The following LAMA2 variants were observed in gnomAD, a reference collection of about 807,000 sequenced individuals.
LAMA2 encodes the protein laminin subunit alpha-2.
In LAMA2, 269 loss-of-function variants were observed where a neutral mutation model predicts 364.8. That is an observed-to-expected ratio of 0.74 (90% CI 0.67 to 0.82). LAMA2 has a LOEUF of 0.82. Among genes scored for constraint, LAMA2 ranks in the 40% least tolerant of loss-of-function variants. The pLI is 0.00. For missense variants in LAMA2, 3,807 were observed against 3,873.2 expected (o/e 0.98, Z 0.45); for synonymous variants, 1,379 against 1,370.6 (o/e 1.01, Z -0.14).
chr6:129,022,097 G>A (rs1785484707), intron 1 of LAMA2, among the ~76,000 whole-genome samples: 1 of 152,172 alleles, frequency 6.6e-6, no homozygotes, highest in Non-Finnish European at 1.5e-5. Flanking sequence ...ATTACTGAGT[G>A]GTGAAGACTA....
rs577929950 is a variant in LAMA2 at position 129,500,680 on chromosome 6, A to G, written c.8245-1979A>G. ...TTGTCCATCTAGAAAATCTCATAGT[A>G]TACAACGAAACAACAACAAAATAAA... On this transcript the variant is annotated intron_variant, in intron 58 of 64. Transcript: ENST00000421865. Among the ~76,000 whole-genome samples the G allele has an allele frequency of 5.9e-5, 9 of 152,320 alleles. No individual in the cohort carries two copies. In the East Asian group the frequency reaches 1.7e-3, roughly 29 times the overall value.
intron 8 of LAMA2, among the ~76,000 whole-genome samples, chr6:129,156,648 G>C (rs1363086449): frequency 6.6e-6 from 1 of 151,838 alleles, no homozygotes; most frequent in African/African-American, 2.4e-5. Context: ...TGCTTTCTCT[G>C]TAAGCATGGT....
At chr6:129,122,428 A>G (rs1027791794) in intron 4 of LAMA2, among the ~76,000 whole-genome samples, 1 of 152,200 alleles carries the variant, frequency 6.6e-6, no homozygotes, top group Non-Finnish European at 1.5e-5. Flanking sequence ...CTTAGAGTCC[A>G]AAGTGAAATT....
At chr6:129,071,339 T>C (rs1773298440) in intron 3 of LAMA2, among the ~76,000 whole-genome samples, 1 of 152,176 alleles carries the variant, frequency 6.6e-6, no homozygotes, top group Non-Finnish European at 1.5e-5. Flanking sequence ...ATTTCATTAG[T>C]CTTTTTCAAA....
chr6:129,472,411 T>C (rs1783856438), intron 51 of LAMA2, among the ~76,000 whole-genome samples: 1 of 151,932 alleles, frequency 6.6e-6, no homozygotes, highest in South Asian at 2.1e-4. Context: ...TAGAAAAGCA[T>C]GTAATTCAGA....
At chr6:128,922,028 C>G (rs1290229706) in intron 1 of LAMA2, among the ~76,000 whole-genome samples, 6 of 152,156 alleles carry the variant, frequency 3.9e-5, no homozygotes, top group East Asian at 1.9e-4. Flanking sequence ...CCCTACAAAG[C>G]ACATGAACTC....
chr6:129,061,667 G>A (rs115332955), intron 3 of LAMA2, among the ~76,000 whole-genome samples: 303 of 152,198 alleles, frequency 2.0e-3, no homozygotes, highest in African/African-American at 7.0e-3. Context: ...TTGTCGTTCT[G>A]TTTTCTCTTC....
intron 1 of LAMA2, among the ~76,000 whole-genome samples, chr6:128,894,666 G>T (rs1406632139): frequency 6.6e-6 from 1 of 152,156 alleles, no homozygotes; most frequent in South Asian, 2.1e-4. Context: ...ATGTACCCAA[G>T]ATTTAATAAA....
intron 15 of LAMA2, among the ~76,000 whole-genome samples, chr6:129,261,565 G>A (rs914147080): frequency 2.0e-5 from 3 of 152,068 alleles, no homozygotes; most frequent in East Asian, 1.9e-4. Flanking sequence ...TTGACAGAGC[G>A]CATGGCTAGC....
chr6:129,307,178 C>A (rs1386740459), intron 22 of LAMA2, among the ~76,000 whole-genome samples: 2 of 152,176 alleles, frequency 1.3e-5, no homozygotes, highest in East Asian at 3.9e-4. Context: ...GCAGAACAGT[C>A]TGAAAGCCCT....
intron 12 of LAMA2, among the ~76,000 whole-genome samples, chr6:129,246,187 T>C (rs1163115951): frequency 6.6e-6 from 1 of 152,226 alleles, no homozygotes; most frequent in Non-Finnish European, 1.5e-5. Flanking sequence ...TCAGATTGGA[T>C]AATGCTATCC....
intron 1 of LAMA2, among the ~76,000 whole-genome samples, chr6:128,960,467 G>T (rs57454042): frequency 1.0e-4 from 11 of 106,078 alleles, no homozygotes; most frequent in Admixed American, 3.2e-4. Context: ...GCCCCACCCC[G>T]CCCCCGCCGA....
intron 10 of LAMA2, among the ~76,000 whole-genome samples, chr6:129,180,518 A>AGATGTCTTCCT (rs1780867290): frequency 6.6e-6 from 1 of 152,216 alleles, no homozygotes; most frequent in South Asian, 2.1e-4. Context: ...ACATTTTTAA[A>AGATGTCTTCCT]AAGAGCTTCA....
chr6:129,252,411 A>G lies in LAMA2; in HGVS notation c.2096+116A>G, dbSNP rs558929660. 2.1e-3 allele frequency: 1,559 copies of G among 742,208 alleles called. 1 individual carries two copies. Among genetic ancestry groups the G allele is most frequent in the Non-Finnish European group, 3.2e-3 (1,363 of 421,896 alleles). 46.0% of individuals were successfully genotyped at this position (742,208 alleles called of 1,614,324 possible). A position where few individuals can be genotyped will look rare whatever the true frequency, so the allele number is the denominator to read the frequency against. ...CTAGGATTTGCTGTCTTCAAAGAGCAGATAAGAACGGAGCCCTAGTTTTCT... is the reference window on the plus strand; with the variant it reads ...CTAGGATTTGCTGTCTTCAAAGAGCGGATAAGAACGGAGCCCTAGTTTTCT... On this transcript the variant is annotated intron_variant, in intron 14 of 64. Transcript: ENST00000421865.
chr6:129,096,183 A>C (rs1775177385), intron 3 of LAMA2, among the ~76,000 whole-genome samples: 1 of 152,240 alleles, frequency 6.6e-6, no homozygotes, highest in Admixed American at 6.5e-5. Context: ...CTGTCTAAAA[A>C]ACAATTCCTT....
At chr6:128,968,864 A>C (rs557987674) in intron 1 of LAMA2, among the ~76,000 whole-genome samples, 1 of 152,246 alleles carries the variant, frequency 6.6e-6, no homozygotes, top group African/African-American at 2.4e-5. Flanking sequence ...GCTTCGTTTG[A>C]ATTTTATTCT....
chr6:129,315,410 A>G, intron 24 of LAMA2, 66 bp from the exon 25 acceptor site: 2 of 1,419,506 alleles, frequency 1.4e-6, no homozygotes, highest in Admixed American at 3.4e-5. Flanking sequence ...TGCAGTTCGT[A>G]ACTTAGTTTT....
chr6:129,368,164 A>G (rs1777876803), intron 33 of LAMA2, among the ~76,000 whole-genome samples: 1 of 152,196 alleles, frequency 6.6e-6, no homozygotes, highest in Non-Finnish European at 1.5e-5. Context: ...TCATGACTCA[A>G]TCACTTCCCA....
chr6:129,178,327 A>G (rs1002605914), intron 10 of LAMA2, among the ~76,000 whole-genome samples: 6 of 152,216 alleles, frequency 3.9e-5, no homozygotes, highest in Non-Finnish European at 7.4e-5. Flanking sequence ...CTGTTCAATT[A>G]TAAAAAAGTA....
Sources: gnomAD v4.1 joint callset for allele counts (sites outside exome capture counted in the v4.1 genomes callset) on GRCh38, gnomAD v4.1.1 for gene constraint, MANE v1.5 for transcripts, NCBI Gene and HGNC (gene_info 2026-07-23, HGNC 2026-07-21) for gene names.